The following PTPRD variants were observed in gnomAD, a reference collection of about 807,000 sequenced individuals.
PTPRD encodes protein tyrosine phosphatase receptor type D.
PTPRD carries 34 observed loss-of-function variants against 214.5 expected under a neutral mutation model. The ratio of observed to expected loss-of-function variants is 0.16; its 90% CI spans 0.12 to 0.21. The LOEUF is 0.21. PTPRD is among the 10% of genes least tolerant of loss of function. PTPRD has a pLI of 1.00. For synonymous variants in PTPRD, 1,128 were observed against 845.7 expected (o/e 1.33, Z -5.79); for missense variants, 2,545 against 2,398.7 (o/e 1.06, Z -1.27).
intron 10 of PTPRD, among the ~76,000 whole-genome samples, chr9:9,051,069 A>G (rs1462306768): frequency 1.3e-5 from 2 of 152,098 alleles, no homozygotes; most frequent in East Asian, 1.9e-4. Flanking sequence ...CTGCTTCCTA[A>G]GTAGGGAATT....
chr9:10,012,627 G>C (rs535587322), intron 4 of PTPRD, among the ~76,000 whole-genome samples: 69 of 151,926 alleles, frequency 4.5e-4, no homozygotes, highest in African/African-American at 1.5e-3. Flanking sequence ...TCACTATTTC[G>C]TTACCCAAGA....
intron 44 of PTPRD, among the ~76,000 whole-genome samples, chr9:8,330,015 AG>A (rs1481334566): frequency 6.6e-6 from 1 of 151,928 alleles, no homozygotes; most frequent in Non-Finnish European, 1.5e-5. Flanking sequence ...CAGGCACTGG[AG>A]GGAATCTCCT....
At chr9:8,546,207 A>G (rs1394859881) in intron 14 of PTPRD, among the ~76,000 whole-genome samples, 2 of 152,214 alleles carry the variant, frequency 1.3e-5, no homozygotes, top group East Asian at 3.8e-4. Flanking sequence ...CCACTCCTCC[A>G]TATAATATAA....
At chr9:8,975,027 G>A (rs2099260513) in intron 11 of PTPRD, among the ~76,000 whole-genome samples, 1 of 150,646 alleles carries the variant, frequency 6.6e-6, no homozygotes, top group Admixed American at 6.6e-5. Flanking sequence ...AACCTGGGAA[G>A]TGGAGATTGC....
chr9:9,466,091 T>C (rs73403072), intron 8 of PTPRD, among the ~76,000 whole-genome samples: 2,968 of 152,238 alleles, frequency 0.019, 108 homozygotes, highest in African/African-American at 0.069. Context: ...ATGGATCTCT[T>C]GATCCCAGGA....
intron 9 of PTPRD, among the ~76,000 whole-genome samples, chr9:9,217,394 A>G (rs1382495051): frequency 6.6e-6 from 1 of 152,144 alleles, no homozygotes; most frequent in Non-Finnish European, 1.5e-5. Flanking sequence ...TTGTTACTTT[A>G]CCAAATCTCT....
chr9:9,351,065 G>C, intron 9 of PTPRD, among the ~76,000 whole-genome samples: 1 of 151,914 alleles, frequency 6.6e-6, no homozygotes, highest in South Asian at 2.1e-4. Flanking sequence ...TTTGGCTTGG[G>C]GAATAGGGTT....
chr9:9,700,673 T>C (rs1292694738), intron 7 of PTPRD, among the ~76,000 whole-genome samples: 1 of 152,068 alleles, frequency 6.6e-6, no homozygotes, highest in Non-Finnish European at 1.5e-5. Context: ...AATTCCTCAT[T>C]GTGTATACAA....
chr9:10,432,292 G>T (rs867282657), intron 2 of PTPRD, among the ~76,000 whole-genome samples: 1 of 116,460 alleles, frequency 8.6e-6, no homozygotes, highest in Non-Finnish European at 1.7e-5. Context: ...GTGGTGGGGT[G>T]GGGGGAGGGG....
intron 8 of PTPRD, among the ~76,000 whole-genome samples, chr9:9,454,699 T>C (rs78717240): frequency 0.012 from 1,878 of 151,842 alleles, 31 homozygotes; most frequent in African/African-American, 0.043. Context: ...CTGTGTATAT[T>C]TGTATAGCTA....
chr9:9,814,954 C>T (rs945444382), intron 5 of PTPRD, among the ~76,000 whole-genome samples: 1 of 151,634 alleles, frequency 6.6e-6, no homozygotes, highest in Admixed American at 6.6e-5. Context: ...TGCACGCCAC[C>T]ACACCTGACT....
intron 11 of PTPRD, among the ~76,000 whole-genome samples, chr9:8,967,114 G>A (rs577143846): frequency 1.3e-5 from 2 of 151,466 alleles, no homozygotes; most frequent in African/African-American, 4.8e-5. Context: ...ACACTAGTCA[G>A]AATGACAATT....
At position 10,322,348 on chromosome 9, in the gene PTPRD, T is replaced by C. The variant is rs565964949; in HGVS notation, c.-545+18615A>G. On this transcript the variant is annotated intron_variant, in intron 3 of 45. Transcript: ENST00000381196. ...AAGCTAAAGCTAGTACACAATAAGC[T>C]ATGTTAGGAAGACACAATTGCAGGC... 5.9e-5 allele frequency among the ~76,000 whole-genome samples: 9 copies of C among 152,144 alleles called. No homozygotes were observed. In the South Asian group the frequency reaches 1.9e-3, roughly 32 times the overall value.
In PTPRD at chr9:9,136,272, T is replaced by G. The variant is rs544404103; in HGVS notation, c.-143+47032A>C. Among the ~76,000 whole-genome samples the G allele has an allele frequency of 7.9e-5, 12 of 152,296 alleles. No homozygotes were observed. The South Asian group carries it at 2.3e-3, about 29-fold the overall frequency. On this transcript the variant is annotated intron_variant, in intron 10 of 45. Transcript: ENST00000381196. ...ATTTTTAAGTCTCTAATTAACATCT[T>G]TTGGTCATGGTTGTTTTTAGATTAA...
At chr9:9,296,745 T>C (rs1409706373) in intron 9 of PTPRD, among the ~76,000 whole-genome samples, 1 of 151,742 alleles carries the variant, frequency 6.6e-6, no homozygotes, top group Non-Finnish European at 1.5e-5. Flanking sequence ...ATAAGAAGTT[T>C]TTTGTGTTAT....
At chr9:9,046,104 A>C (rs974853396) in intron 10 of PTPRD, among the ~76,000 whole-genome samples, 1 of 152,192 alleles carries the variant, frequency 6.6e-6, no homozygotes, top group Non-Finnish European at 1.5e-5. Flanking sequence ...AAATGTCAGA[A>C]ACTTTATTAT....
At chr9:8,571,920 T>C (rs1594177869) in intron 14 of PTPRD, among the ~76,000 whole-genome samples, 1 of 152,208 alleles carries the variant, frequency 6.6e-6, no homozygotes. Context: ...GGTTTGGTCA[T>C]GGTCTCTTTC....
chr9:10,425,524 C>T (rs865776857), intron 2 of PTPRD, among the ~76,000 whole-genome samples: 35 of 151,946 alleles, frequency 2.3e-4, no homozygotes, highest in African/African-American at 8.0e-4. Flanking sequence ...ATAGCATAGG[C>T]TCCCTTATAA....
At chr9:8,746,283 G>T (rs1039897671) in intron 11 of PTPRD, among the ~76,000 whole-genome samples, 1 of 152,176 alleles carries the variant, frequency 6.6e-6, no homozygotes, top group Non-Finnish European at 1.5e-5. Flanking sequence ...ATTGAAAGAA[G>T]AAATGAAGAT....
Sources: allele counts gnomAD v4.1 joint callset (sites outside exome capture counted in the v4.1 genomes callset), GRCh38; gene constraint gnomAD v4.1.1; transcripts MANE v1.5; gene names NCBI Gene and HGNC (gene_info 2026-07-23, HGNC 2026-07-21).